The following GREP1 variants were observed in gnomAD, a reference collection of about 807,000 sequenced individuals.
GREP1 encodes glycine rich extracellular protein 1, also known as glycine-rich extracellular protein 1.
exon 18 of GREP1, chr16:2,995,891 T>C: frequency 2.5e-6 from 1 of 397,840 alleles, no homozygotes; most frequent in Non-Finnish European, 4.4e-6. Flanking sequence ...GGGCCTTCCC[T>C]GGGGCTGGAA....
chr16:2,993,950 T>G (rs2072411655), intron 10 of GREP1: 1 of 152,738 alleles, frequency 6.5e-6, no homozygotes, highest in Admixed American at 6.5e-5. Flanking sequence ...AAAGCAAGAC[T>G]CCGTCTCAAA....
intron 22 of GREP1, 21 bp from the exon 21 acceptor site, chr16:2,997,782 C>G (rs1473175227): frequency 2.5e-6 from 1 of 398,354 alleles, no homozygotes; most frequent in South Asian, 1.3e-4. Context: ...ATGGGTCCCT[C>G]ACCTACTCGC....
At chr16:2,997,507 T>C in intron 22 of GREP1, 1 of 398,480 alleles carries the variant, frequency 2.5e-6, no homozygotes, top group Non-Finnish European at 4.4e-6. Flanking sequence ...GAGGGTTTTC[T>C]TGGGGGCTCC....
At chr16:2,999,479 C>CTTT (rs35368761) in intron 27 of GREP1, among the ~76,000 whole-genome samples, 110 of 75,522 alleles carry the variant, frequency 1.5e-3, no homozygotes, top group African/African-American at 2.8e-3. Flanking sequence ...CCCTCTTGCT[C>CTTT]TTTTTTTTTT....
At chr16:3,000,455 G>A (rs2072454637) in exon 31 of GREP1, 4 of 399,168 alleles carry the variant, frequency 1.0e-5, no homozygotes, top group Middle Eastern at 1.2e-3. Context: ...GGGGCCAATG[G>A]TTTTAGGAAT....
chr16:2,997,893 C>G (rs1263551488), intron 23 of GREP1, 58 bp downstream of exon 21: 3 of 398,474 alleles, frequency 7.5e-6, no homozygotes, highest in African/African-American at 6.2e-5. Flanking sequence ...CCCCTCCACC[C>G]TTTTCCCCTC....
rs1036663542 is a variant in GREP1, at chr16:2,989,988, G to A, written c.145G>A (p.Val49Met). 15 of 399,206 alleles carry A rather than the reference G, an allele frequency of 3.8e-5. No individual in the cohort carries two copies. Among genetic ancestry groups the A allele is most frequent in the African/African-American group, 8.2e-5 (4 of 48,584 alleles). 24.7% of individuals were successfully genotyped at this position (399,206 alleles called of 1,614,324 possible). A position where few individuals can be genotyped will look rare whatever the true frequency, so the allele number is the denominator to read the frequency against. ...TGTCTCTCCAGGCTATGATGGGGGC[G>A]TGAAGCCACAGAAGCCAGGTGAGCC... The change falls in exon 4 of 35, where the codon GTG becomes ATG. Residue 49 changes from valine (V) to methionine (M), a missense_variant. Coordinates refer to ENST00000573315, the Ensembl canonical transcript of GREP1. This position sits in a 1 kb window ranked among gnomAD's most constrained non-coding sequence, Gnocchi z 4.2.
chr16:2,990,926 CCCAGA>C, intron 7 of GREP1, 117 bp from the exon 7 acceptor site: 1 of 398,688 alleles, frequency 2.5e-6, no homozygotes, highest in Non-Finnish European at 4.4e-6. Context: ...GCTGAGAAGC[CCCAGA>C]AGCCAGAGGC....
chr16:3,000,237 G>A, intron 29 of GREP1, 119 bp downstream of exon 26: 1 of 399,472 alleles, frequency 2.5e-6, no homozygotes, highest in Non-Finnish European at 4.4e-6. Flanking sequence ...CCCTCCTGAT[G>A]CTGTCCCTGT....
chr16:2,995,782 C>T lies in GREP1; in HGVS notation c.622+11C>T, dbSNP rs1230741101. On this transcript the variant is annotated intron_variant, in intron 17 of 34. Transcript: ENST00000573315. ...AGCCTCTGAAGCCAGGTGAGCCCCG[C>T]CCGCCCTGGTCTGCCTCTCTATGCA... The T allele has an allele frequency of 7.5e-6, 3 of 398,594 alleles. No homozygotes were observed. Among genetic ancestry groups the T allele is most frequent in the Non-Finnish European group, 1.3e-5 (3 of 226,150 alleles). 24.7% of individuals were successfully genotyped at this position (398,594 alleles called of 1,614,324 possible).
chr16:2,995,481 T>C (rs2072419944), intron 15 of GREP1, 138 bp from the exon 16 acceptor site: 1 of 398,708 alleles, frequency 2.5e-6, no homozygotes, highest in South Asian at 1.3e-4. Flanking sequence ...GGGCGTCCTC[T>C]CCCTGCCTCC....
At position 2,990,606 on chromosome 16, in the gene GREP1, G is replaced by C. The variant is rs928428586; in HGVS notation, c.268+19G>C. On this transcript the variant is annotated intron_variant, in intron 7 of 34. Coordinates refer to ENST00000573315, the Ensembl canonical transcript of GREP1. ...CAGCCAGGTGAGGCTGGGGGAAGCG[G>C]GTAAGGAATGGGAGGGGCTTGGGGG... 3 of 399,074 alleles carry C rather than the reference G, an allele frequency of 7.5e-6. No individual in the cohort carries two copies. The highest frequency in any genetic ancestry group is 6.2e-5 in the African/African-American group (3 of 48,586). 24.7% of individuals were successfully genotyped at this position (399,074 alleles called of 1,614,324 possible). A position where few individuals can be genotyped will look rare whatever the true frequency, so the allele number is the denominator to read the frequency against.
At position 2,991,827 on chromosome 16, in the gene GREP1, AC is replaced by A; in HGVS notation, c.322+729del. 6.6e-6 allele frequency: 1 copy of A among 152,264 alleles called. No individual in the cohort carries two copies. Among genetic ancestry groups the A allele is most frequent in the South Asian group, 2.1e-4 (1 of 4,820 alleles). 9.4% of individuals were successfully genotyped at this position (152,264 alleles called of 1,614,324 possible). On this transcript the variant is annotated intron_variant, in intron 8 of 34. Transcript: ENST00000573315. The surrounding 1 kb of genome is among the most constrained non-coding windows in gnomAD (Gnocchi z 4.9). ...GCCCTGGGTGGTGTTTGGACCACGG[AC>A]CCGCACTCCACATGGCCTAGGTCCA...
chr16:2,998,876 G>T lies in GREP1; in HGVS notation c.1041G>T (p.Met347Ile), dbSNP rs200893433. The T allele has an allele frequency of 1.3e-5, 5 of 398,978 alleles. No individual in the cohort carries two copies. In the East Asian group the frequency reaches 1.8e-4, roughly 14 times the overall value. 24.7% of individuals were successfully genotyped at this position (398,978 alleles called of 1,614,324 possible). A position where few individuals can be genotyped will look rare whatever the true frequency, so the allele number is the denominator to read the frequency against. Residue 347 changes from methionine (M) to isoleucine (I), a missense_variant, in exon 26 of 35, where the codon ATG (methionine) becomes ATT (isoleucine). Transcript: ENST00000573315. The stretch of plus-strand genomic sequence containing the variant: ...CCTGCAATGCGAGGGTCGCTCCGAT[G>T]CTCCTCCCCAGGCTTCCCACTCCAG...
chr16:2,989,339 G>A lies in GREP1; in HGVS notation c.101-184G>A. ...AAACTGAGACCTGGAAAGGGAGGTGGCATCCAGATTTGGGCCCCTTTGTCC... is the reference window on the plus strand; with the variant it reads ...AAACTGAGACCTGGAAAGGGAGGTGACATCCAGATTTGGGCCCCTTTGTCC... On this transcript the variant is annotated intron_variant, in intron 2 of 34. Coordinates refer to ENST00000573315, the Ensembl canonical transcript of GREP1. This position sits in a 1 kb window ranked among gnomAD's most constrained non-coding sequence, Gnocchi z 4.2. 2.5e-6 allele frequency: 1 copy of A among 396,798 alleles called. No homozygotes were observed. The highest frequency in any genetic ancestry group is 4.4e-6 in the Non-Finnish European group (1 of 225,264). The allele number at this position is 396,798 out of a possible 1,614,324, so 24.6% of individuals were successfully genotyped here.
intron 10 of GREP1, chr16:2,993,349 C>G (rs911109323): frequency 1.2e-5 from 2 of 163,122 alleles, no homozygotes; most frequent in African/African-American, 2.4e-5. Context: ...CCTCATTCGA[C>G]AAACCAATCC....
chr16:2,990,883 A>C (rs1041532150), intron 7 of GREP1, among the ~76,000 whole-genome samples, 165 bp from the exon 7 acceptor site: 12 of 152,094 alleles, frequency 7.9e-5, no homozygotes, highest in Non-Finnish European at 1.6e-4. Flanking sequence ...GGGCCCCTTC[A>C]TCTGCCCATC....
chr16:2,993,959 AAAAC>A (rs1010640988), intron 10 of GREP1: 18 of 152,810 alleles, frequency 1.2e-4, no homozygotes, highest in African/African-American at 2.4e-4. Flanking sequence ...CTCCGTCTCA[AAAAC>A]AAACAAACAA....
intron 15 of GREP1, 136 bp downstream of exon 15, chr16:2,995,452 G>A: frequency 2.5e-6 from 1 of 399,064 alleles, no homozygotes; most frequent in Non-Finnish European, 4.4e-6. Context: ...GACAGATGGG[G>A]TCTGGGGTTC....
Sources: gnomAD v4.1 joint callset for allele counts (sites outside exome capture counted in the v4.1 genomes callset) on GRCh38, gnomAD v4.1.1 for gene constraint, Gnocchi (gnomAD v3.1) non-coding constraint, MANE v1.5 for transcripts, NCBI Gene and HGNC (gene_info 2026-07-23, HGNC 2026-07-21) for gene names.